Variants in EDF1 observed in about 807,000 individuals in gnomAD.
EDF1 encodes endothelial differentiation-related factor 1.
EDF1 carries 5 observed loss-of-function variants against 20.8 expected under a neutral mutation model. The ratio of observed to expected loss-of-function variants is 0.24; its 90% CI spans 0.13 to 0.51. EDF1 has a LOEUF of 0.51. Among genes scored for constraint, EDF1 ranks in the 20% least tolerant of loss-of-function variants. The probability of loss-of-function intolerance (pLI) is 0.97; values close to 1 mark genes in which losing one functional copy is unlikely to be tolerated. For missense variants in EDF1, 137 were observed against 197.8 expected, an observed-to-expected ratio of 0.69 and a Z score of 1.84; for synonymous variants, 96 against 78.5, an observed-to-expected ratio of 1.22 and a Z score of -1.18.
At position 136,862,527 on chromosome 9, in the gene EDF1, T is replaced by G; in HGVS notation, c.386-182A>C. 1 of 1,606,654 alleles carries G rather than the reference T, an allele frequency of 6.2e-7. No individual in the cohort carries two copies. Among genetic ancestry groups the G allele is most frequent in the East Asian group, 2.2e-5 (1 of 44,860 alleles). On this transcript the variant is annotated intron_variant, in intron 4 of 4. Coordinates refer to ENST00000224073, the MANE Select transcript of EDF1 (RefSeq NM_003792.4). This position sits in a 1 kb window ranked among gnomAD's most constrained non-coding sequence, Gnocchi z 4.1. ...TTTGAAGAGGATGAGTCTGATCACC[T>G]TAGACAGCAGAGCATGAACACCCCT...
intron 1 of EDF1, 70 bp downstream of exon 1, chr9:136,866,111 C>A: frequency 6.7e-7 from 1 of 1,489,510 alleles, no homozygotes; most frequent in Non-Finnish European, 9.0e-7. Flanking sequence ...GAGCCCCCTG[C>A]CCCACGGTCC....
At chr9:136,865,649 A>C (rs1341084293) in intron 1 of EDF1, among the ~76,000 whole-genome samples, 17 of 72,548 alleles carry the variant, frequency 2.3e-4, no homozygotes, top group Admixed American at 6.5e-4. Flanking sequence ...CCTGTACCCC[A>C]CTCTACCCTG....
At chr9:136,866,159 C>A (rs1360141818) in intron 1 of EDF1, 22 bp downstream of exon 1, 1 of 1,587,140 alleles carries the variant, frequency 6.3e-7, no homozygotes, top group Non-Finnish European at 8.5e-7. Flanking sequence ...CCGGCCCGGC[C>A]GCTCCTCAGT....
In EDF1 at chr9:136,862,629, G is replaced by C; in HGVS notation, c.385+277C>G. The C allele has an allele frequency of 6.6e-7, 1 of 1,509,292 alleles. No homozygotes were observed. Among genetic ancestry groups the C allele is most frequent in the African/African-American group, 1.4e-5 (1 of 72,330 alleles). The allele number at this position is 1,509,292 out of a possible 1,614,324, so 93.5% of individuals were successfully genotyped here. ...TGCTGACAGGGCCCGGACCCGCTGT[G>C]CTCAGGCTCAGAGAACCATCGCCAA... On this transcript the variant is annotated intron_variant, in intron 4 of 4. Coordinates refer to ENST00000224073, the MANE Select transcript of EDF1 (RefSeq NM_003792.4). The surrounding 1 kb of genome is among the most constrained non-coding windows in gnomAD (Gnocchi z 4.1).
rs1211833389 is a variant in EDF1, at chr9:136,865,879, C to T, written c.78+302G>A. ...CCCGGCCCTATCGCCTGCCCCTTGC[C>T]CCGTCCGGTTCCCTGCTCCTCTCCT... On this transcript the variant is annotated intron_variant, in intron 1 of 4. Transcript: ENST00000224073. 2.7e-5 allele frequency among the ~76,000 whole-genome samples: 4 copies of T among 150,502 alleles called. No individual in the cohort carries two copies. The East Asian group carries it at 5.9e-4, about 22-fold the overall frequency.
At chr9:136,865,764 C>T (rs1432126496) in intron 1 of EDF1, among the ~76,000 whole-genome samples, 1 of 151,470 alleles carries the variant, frequency 6.6e-6, no homozygotes, top group Non-Finnish European at 1.5e-5. Flanking sequence ...TTGTCCCCGT[C>T]CCCGTCCCCA....
At position 136,863,357 on chromosome 9, in the gene EDF1, GGTCACCCT is replaced by G; in HGVS notation, c.214_221del (p.Arg72ProfsTer27). ...GCTGGATCACCTTGCCCACCTCCAG[GGTCACCCT>G]GTCATGGTGCAGCTCCTCTGTCTCC... On this transcript the variant is annotated frameshift_variant, in exon 3 of 5. Transcript: ENST00000224073. LOFTEE classifies it high-confidence loss of function. The surrounding 1 kb of genome is among the most constrained non-coding windows in gnomAD (Gnocchi z 4.5). 6.2e-7 allele frequency: 1 copy of G among 1,614,046 alleles called. No homozygotes were observed. Among genetic ancestry groups the G allele is most frequent in the Non-Finnish European group, 8.5e-7 (1 of 1,180,008 alleles).
intron 1 of EDF1, among the ~76,000 whole-genome samples, chr9:136,865,469 C>A (rs913280256): frequency 1.3e-5 from 2 of 151,964 alleles, no homozygotes; most frequent in Non-Finnish European, 2.9e-5. Flanking sequence ...GAGGAGCCTA[C>A]CCCCTGTCCC....
chr9:136,862,569 G>T lies in EDF1; in HGVS notation c.386-224C>A, dbSNP rs981126932. 3.8e-6 allele frequency: 6 copies of T among 1,572,740 alleles called. No homozygotes were observed. The highest frequency in any genetic ancestry group is 4.3e-6 in the Non-Finnish European group (5 of 1,166,344). On this transcript the variant is annotated intron_variant, in intron 4 of 4. Transcript: ENST00000224073. The surrounding 1 kb of genome is among the most constrained non-coding windows in gnomAD (Gnocchi z 4.1). ...AACACCCCTCTCCGGAAGAACCGGA[G>T]CCGGGGTCCTCTGTGGAACTGGCTT...
At position 136,863,777 on chromosome 9, in the gene EDF1, C is replaced by T. The variant is rs745982885; in HGVS notation, c.130+43G>A. On this transcript the variant is annotated intron_variant, in intron 2 of 4. Coordinates refer to ENST00000224073, the MANE Select transcript of EDF1 (RefSeq NM_003792.4). This position sits in a 1 kb window ranked among gnomAD's most constrained non-coding sequence, Gnocchi z 4.5. ...ACCACACCCACCAGCACATGGACCC[C>T]ACAGCACAGCCTCATGTTGCAAGCG... The T allele has an allele frequency of 6.2e-7, 1 of 1,612,368 alleles. No homozygotes were observed. The highest frequency in any genetic ancestry group is 1.7e-5 in the Admixed American group (1 of 60,022).
At position 136,862,949 on chromosome 9, in the gene EDF1, G is replaced by A. The variant is rs377200259; in HGVS notation, c.342C>T (p.Ala114=). The change falls in exon 4 of 5, where the codon GCC becomes GCT. Residue 114 remains alanine (A), a synonymous_variant. Transcript: ENST00000224073. The surrounding 1 kb of genome is among the most constrained non-coding windows in gnomAD (Gnocchi z 4.1). Reference sequence around the variant, plus strand: ...TGCCAAGCACCTGGTTATTGGGTATGGCCCGTCCGCTCTCATAGTCCGCGA... The same window carrying A: ...TGCCAAGCACCTGGTTATTGGGTATAGCCCGTCCGCTCTCATAGTCCGCGA... The part of the protein sequence containing the change: ...QVIADYESGR[A]IPNNQVLGKI... 8.6e-5 allele frequency: 139 copies of A among 1,613,882 alleles called. No homozygotes were observed. The highest frequency in any genetic ancestry group is 1.2e-4 in the Non-Finnish European group (139 of 1,180,030).
chr9:136,863,238 C>T lies in EDF1; in HGVS notation c.291+50G>A, dbSNP rs1240450766. The T allele has an allele frequency of 6.3e-7, 1 of 1,587,814 alleles. No individual in the cohort carries two copies. Among genetic ancestry groups the T allele is most frequent in the South Asian group, 1.1e-5 (1 of 89,580 alleles). ...CGTGCTATCTGAACACCGGCCATCC[C>T]CCTCCCCAAACCCACAACCCCAGGA... On this transcript the variant is annotated intron_variant, in intron 3 of 4. Coordinates refer to ENST00000224073, the MANE Select transcript of EDF1 (RefSeq NM_003792.4). This position sits in a 1 kb window ranked among gnomAD's most constrained non-coding sequence, Gnocchi z 4.5.
In EDF1 at chr9:136,863,204, C is replaced by T. The variant is rs900123638; in HGVS notation, c.291+84G>A. 5.8e-6 allele frequency: 9 copies of T among 1,556,738 alleles called. No individual in the cohort carries two copies. The Admixed American group carries it at 1.6e-4, about 27-fold the overall frequency. On this transcript the variant is annotated intron_variant, in intron 3 of 4. Transcript: ENST00000224073. This position sits in a 1 kb window ranked among gnomAD's most constrained non-coding sequence, Gnocchi z 4.5. ...GCAGGGGAACCAGGGGGGTGGAGCCCACCCTCCCCGTGCTATCTGAACACC... is the reference window on the plus strand; with the variant it reads ...GCAGGGGAACCAGGGGGGTGGAGCCTACCCTCCCCGTGCTATCTGAACACC...
chr9:136,862,594 T>G lies in EDF1; in HGVS notation c.386-249A>C, dbSNP rs1849124898. The G allele has an allele frequency of 6.5e-7, 1 of 1,547,790 alleles. No individual in the cohort carries two copies. ...GCCGGGGTCCTCTGTGGAACTGGCT[T>G]CCGGCCCCATGCTGACAGGGCCCGG... On this transcript the variant is annotated intron_variant, in intron 4 of 4. Coordinates refer to ENST00000224073, the MANE Select transcript of EDF1 (RefSeq NM_003792.4). The surrounding 1 kb of genome is among the most constrained non-coding windows in gnomAD (Gnocchi z 4.1).
chr9:136,866,235 C>G lies in EDF1; in HGVS notation c.24G>C (p.Thr8=), dbSNP rs772630338. ...GGCCCTTCTTGCGCAGCACCGTCACCGTGTCCCAGTCGCTCTCGGCCATGG... is the reference window on the plus strand; with the variant it reads ...GGCCCTTCTTGCGCAGCACCGTCACGGTGTCCCAGTCGCTCTCGGCCATGG... The part of the protein sequence containing the change: MAESDWD[T]VTVLRKKGPT... Residue 8 remains threonine (T), a synonymous_variant, in exon 1 of 5, where the codon ACG becomes ACC. Transcript: ENST00000224073. 3.1e-6 allele frequency: 5 copies of G among 1,600,824 alleles called. No individual in the cohort carries two copies. The highest frequency in any genetic ancestry group is 2.2e-5 in the South Asian group (2 of 89,376).
chr9:136,863,325 C>T lies in EDF1; in HGVS notation c.254G>A (p.Arg85Gln), dbSNP rs1333620775. The change falls in exon 3 of 5, where the codon CGG becomes CAG. Residue 85 changes from arginine (R) to glutamine (Q), a missense_variant. Transcript: ENST00000224073. This position sits in a 1 kb window ranked among gnomAD's most constrained non-coding sequence, Gnocchi z 4.5. ...CTTCTGCGTAAGCCCCTTGCTCTGC[C>T]GACCTTGCTGGATCACCTTGCCCAC... ...LEVGKVIQQG[R>Q]QSKGLTQKDL... 1.9e-6 allele frequency: 3 copies of T among 1,613,814 alleles called. No individual in the cohort carries two copies. Among genetic ancestry groups the T allele is most frequent in the Non-Finnish European group, 2.5e-6 (3 of 1,180,008 alleles).
intron 1 of EDF1, among the ~76,000 whole-genome samples, chr9:136,864,460 G>C (rs1381711644): frequency 1.3e-5 from 2 of 151,940 alleles, no homozygotes; most frequent in African/African-American, 2.4e-5. Context: ...GCAAAAGTAG[G>C]AAGGAACACC....
chr9:136,866,098 C>T (rs528019011), intron 1 of EDF1, 83 bp downstream of exon 1: 416 of 1,421,290 alleles, frequency 2.9e-4, no homozygotes, highest in South Asian at 1.2e-3. Flanking sequence ...CCTGCCCTTC[C>T]CCGAGCCCCC....
intron 1 of EDF1, among the ~76,000 whole-genome samples, chr9:136,864,504 T>C (rs997348415): frequency 6.6e-6 from 1 of 152,158 alleles, no homozygotes; most frequent in Non-Finnish European, 1.5e-5. Flanking sequence ...CCTCCCTGAA[T>C]CTGGTTCCTA....
Sources: allele counts gnomAD v4.1 joint callset (sites outside exome capture counted in the v4.1 genomes callset), GRCh38; gene constraint gnomAD v4.1.1; non-coding constraint Gnocchi (gnomAD v3.1); transcripts MANE v1.5; gene names NCBI Gene and HGNC (gene_info 2026-07-23, HGNC 2026-07-21).